The following FREM1 variants were observed in gnomAD, a reference collection of about 807,000 sequenced individuals.
The protein encoded by FREM1 is FRAS1-related extracellular matrix protein 1.
FREM1 carries 220 observed loss-of-function variants against 210.1 expected under a neutral mutation model. That is an observed-to-expected ratio of 1.05 (90% confidence interval 0.94 to 1.17). FREM1 has a LOEUF of 1.17. FREM1 is among the 50% of genes most tolerant of loss of function. The pLI is 0.00. For synonymous variants in FREM1, 1,189 were observed against 980.2 expected, an observed-to-expected ratio of 1.21 and a Z score of -3.98; for missense variants, 3,454 against 2,675.5, an observed-to-expected ratio of 1.29 and a Z score of -6.42.
At chr9:14,756,327 A>AC in intron 29 of FREM1, 47 bp downstream of exon 29, 1 of 1,433,154 alleles carries the variant, frequency 7.0e-7, no homozygotes, top group Non-Finnish European at 9.6e-7. Context: ...CTACAAAAAA[A>AC]AACAAAAAAC....
At chr9:14,761,091 A>G (rs1845413692) in intron 27 of FREM1, among the ~76,000 whole-genome samples, 1 of 152,178 alleles carries the variant, frequency 6.6e-6, no homozygotes, top group Non-Finnish European at 1.5e-5. Context: ...TTGTGGAACT[A>G]GAAATTCTGG....
At chr9:14,863,936 T>C in intron 2 of FREM1, 33 bp from the exon 3 acceptor site, 1 of 1,337,222 alleles carries the variant, frequency 7.5e-7, no homozygotes, top group Middle Eastern at 1.8e-4. Context: ...TAAATATCTA[T>C]GAGAAAATTG....
In FREM1 at chr9:14,737,445, T is replaced by A. The variant is rs1201764549; in HGVS notation, c.6491A>T (p.Asp2164Val). The change falls in exon 37 of 37, where the codon GAC becomes GTC. Residue 2164 changes from aspartate to valine, a missense_variant. Physicochemically the swap from Asp to Val is radical, Grantham distance 152. Transcript: ENST00000380880. ...ATTATGAGGTTTGGCTCTCCTACAG[T>A]CTTTTGTTTGCCATTTCCCTTGTCT... ...VQRQGKWQTK[D>V]CRRAKPHNYV... 3 of 1,613,732 alleles carry A rather than the reference T, an allele frequency of 1.9e-6. No homozygotes were observed. Among genetic ancestry groups the A allele is most frequent in the Non-Finnish European group, 2.5e-6 (3 of 1,179,852 alleles).
At chr9:14,813,159 T>C (rs1390350841) in intron 15 of FREM1, 95 bp from the exon 16 acceptor site, 2 of 1,303,644 alleles carry the variant, frequency 1.5e-6, no homozygotes, top group Admixed American at 2.3e-5. Flanking sequence ...ATGACAGGCA[T>C]TTTCATCTTA....
intron 21 of FREM1, among the ~76,000 whole-genome samples, chr9:14,796,646 G>A (rs774307900): frequency 2.6e-5 from 4 of 152,118 alleles, no homozygotes; most frequent in Non-Finnish European, 4.4e-5. Flanking sequence ...CCCCCATCCT[G>A]TTCTCGTGAT....
intron 1 of FREM1, among the ~76,000 whole-genome samples, chr9:14,896,262 T>C (rs1294765019): frequency 6.6e-6 from 1 of 152,092 alleles, no homozygotes; most frequent in Non-Finnish European, 1.5e-5. Context: ...AGGGGAAGCA[T>C]GGGCTGGGCC....
chr9:14,784,342 G>A, intron 24 of FREM1, 28 bp downstream of exon 24: 1 of 1,599,420 alleles, frequency 6.3e-7, no homozygotes, highest in South Asian at 1.1e-5. Context: ...TCCAAAGAAG[G>A]GGTTTGAAAA....
In FREM1 at chr9:14,882,912, C is replaced by CAAAAAAAAAAAAAAA. The variant is rs71323913; in HGVS notation, c.-267-13683_-267-13669dup. On this transcript the variant is annotated intron_variant, in intron 1 of 36. Coordinates refer to ENST00000380880, the MANE Select transcript of FREM1 (RefSeq NM_001379081.2). Reference sequence around the variant, plus strand: ...AGGGCAGCAGAGCGAGACTCCATCTCAAAAAAAAAAAAAAAAGGAATCACC... The same window carrying CAAAAAAAAAAAAAAA: ...AGGGCAGCAGAGCGAGACTCCATCTCAAAAAAAAAAAAAAAAAAAAAAAAAAAAAAAGGAATCACC... Among the ~76,000 whole-genome samples, 420 of 45,332 alleles carry CAAAAAAAAAAAAAAA rather than the reference C, an allele frequency of 9.3e-3. 96 individuals carry two copies. The highest frequency in any genetic ancestry group is 0.029 in the African/African-American group (310 of 10,742). 29.7% of individuals were successfully genotyped at this position (45,332 alleles called of 152,430 possible). A position where few individuals can be genotyped will look rare whatever the true frequency, so the allele number is the denominator to read the frequency against.
At chr9:14,811,516 A>T (rs1033613292) in intron 16 of FREM1, among the ~76,000 whole-genome samples, 2 of 152,158 alleles carry the variant, frequency 1.3e-5, no homozygotes, top group African/African-American at 2.4e-5. Flanking sequence ...TGAACTCCTG[A>T]GGGACATCAA....
At chr9:14,877,729 G>T (rs1834033459) in intron 1 of FREM1, among the ~76,000 whole-genome samples, 1 of 152,068 alleles carries the variant, frequency 6.6e-6, no homozygotes, top group South Asian at 2.1e-4. Context: ...CTTGGAAGTG[G>T]CTTCTTCCTA....
intron 1 of FREM1, among the ~76,000 whole-genome samples, chr9:14,891,384 G>C (rs771470576): frequency 6.6e-6 from 1 of 152,230 alleles, no homozygotes; most frequent in African/African-American, 2.4e-5. Context: ...CTTGCCCTTA[G>C]AGAGTGTACA....
intron 36 of FREM1, among the ~76,000 whole-genome samples, chr9:14,738,128 A>G (rs1840736835): frequency 6.6e-6 from 1 of 152,176 alleles, no homozygotes; most frequent in Non-Finnish European, 1.5e-5. Flanking sequence ...ATCTGCTACA[A>G]TTCCAATAAA....
At chr9:14,900,776 A>G (rs1177458173) in intron 1 of FREM1, among the ~76,000 whole-genome samples, 1 of 152,174 alleles carries the variant, frequency 6.6e-6, no homozygotes, top group Non-Finnish European at 1.5e-5. Flanking sequence ...GCACAGAGAC[A>G]TTTCCTGATC....
intron 11 of FREM1, 83 bp downstream of exon 11, chr9:14,824,712 TA>T: frequency 4.4e-6 from 2 of 450,146 alleles, no homozygotes; most frequent in Non-Finnish European, 7.4e-6. Flanking sequence ...ACCACAGTAC[TA>T]TATATATATA....
intron 1 of FREM1, among the ~76,000 whole-genome samples, chr9:14,889,568 T>C (rs967878966): frequency 6.6e-6 from 1 of 152,216 alleles, no homozygotes. Flanking sequence ...ACTAGTGCTA[T>C]GTCCATTATC....
At position 14,857,601 on chromosome 9, in the gene FREM1, G is replaced by C. The variant is rs1306843187; in HGVS notation, c.780C>G (p.Ile260Met). 5 of 1,613,734 alleles carry C rather than the reference G, an allele frequency of 3.1e-6. No individual in the cohort carries two copies. The Admixed American group carries it at 6.7e-5, about 22-fold the overall frequency. ...LDPPSPNIDY[I>M]SIQLDLTDTR... ...TATCTGTGAGGTCCAGTTGGATGGA[G>C]ATATAATCAATGTTGGGTGAAGGGG... is the stretch of plus-strand genomic sequence containing the variant. Residue 260 changes from isoleucine (I) to methionine (M), a missense_variant, in exon 5 of 37, where the codon ATC (isoleucine) becomes ATG (methionine). Coordinates refer to ENST00000380880, the MANE Select transcript of FREM1 (RefSeq NM_001379081.2).
intron 10 of FREM1, among the ~76,000 whole-genome samples, chr9:14,840,248 G>A (rs952584746): frequency 6.6e-6 from 1 of 152,194 alleles, no homozygotes; most frequent in Admixed American, 6.5e-5. Context: ...TTGGAAATTT[G>A]CTTGGATCCA....
At chr9:14,852,767 C>T (rs552413051) in intron 5 of FREM1, among the ~76,000 whole-genome samples, 8 of 152,320 alleles carry the variant, frequency 5.3e-5, no homozygotes, top group African/African-American at 1.9e-4. Flanking sequence ...CTGAGAGAAC[C>T]AGGCTCAGTT....
intron 1 of FREM1, among the ~76,000 whole-genome samples, chr9:14,889,890 G>A (rs953305347): frequency 2.0e-5 from 3 of 152,210 alleles, no homozygotes; most frequent in Non-Finnish European, 4.4e-5. Context: ...TTAAGCGTGA[G>A]CATTTTTATC....
Sources: gnomAD v4.1 joint callset for allele counts (sites outside exome capture counted in the v4.1 genomes callset) on GRCh38, gnomAD v4.1.1 for gene constraint, MANE v1.5 for transcripts, NCBI Gene and HGNC (gene_info 2026-07-23, HGNC 2026-07-21) for gene names.